ALMS1: variants seen among roughly 807,000 people sequenced by gnomAD.
The protein encoded by ALMS1 is centrosome-associated protein ALMS1.
A neutral mutation model predicts 352.2 loss-of-function variants in ALMS1; 271 were observed. The ratio of observed to expected loss-of-function variants is 0.77; its 90% CI spans 0.70 to 0.85. The LOEUF is 0.85. Ranked by LOEUF, ALMS1 falls within the 40% of genes least tolerant of loss-of-function variation. ALMS1 has a pLI of 0.00. For synonymous variants in ALMS1, 1,865 were observed against 1,761.2 expected (o/e 1.06, Z -1.48); for missense variants, 5,445 against 4,870.7 (o/e 1.12, Z -3.51).
intron 17 of ALMS1, 96 bp from the exon 18 acceptor site, chr2:73,600,582 T>C: frequency 8.6e-7 from 1 of 1,166,962 alleles, no homozygotes. Flanking sequence ...GATTGTATTT[T>C]TGAAACATTA....
At chr2:73,460,017 C>G (rs78777626) in intron 9 of ALMS1, among the ~76,000 whole-genome samples, 2,934 of 152,236 alleles carry the variant, frequency 0.019, 109 homozygotes, top group African/African-American at 0.065. Context: ...ACATCCAATT[C>G]CATTCCAGTA....
At chr2:73,494,080 A>G (rs374331167) in intron 10 of ALMS1, among the ~76,000 whole-genome samples, 1 of 152,228 alleles carries the variant, frequency 6.6e-6, no homozygotes, top group African/African-American at 2.4e-5. Context: ...GGCCAGAGAC[A>G]TGGGCTTTTT....
chr2:73,422,490 C>T (rs754406844), intron 3 of ALMS1, among the ~76,000 whole-genome samples: 7 of 152,000 alleles, frequency 4.6e-5, no homozygotes, highest in Non-Finnish European at 7.4e-5. Context: ...TAGTTAAGAG[C>T]GTTTGCTAAA....
In ALMS1 at chr2:73,450,249, A is replaced by G; in HGVS notation, c.3722A>G (p.His1241Arg). 2 of 1,614,044 alleles carry G rather than the reference A, an allele frequency of 1.2e-6. No individual in the cohort carries two copies. The highest frequency in any genetic ancestry group is 1.7e-6 in the Non-Finnish European group (2 of 1,179,958). The change falls in exon 8 of 23, where the codon CAC (histidine) becomes CGC (arginine). Residue 1241 changes from histidine (H) to arginine (R), a missense_variant. By Grantham distance (29) the His-to-Arg change is conservative. Transcript: ENST00000613296. Reference sequence around the variant, plus strand: ...ACTCCAACCTCTGCTTCTTACTCACACACAGAGAAGCCTGGTATTTTCTAC... The same window carrying G: ...ACTCCAACCTCTGCTTCTTACTCACGCACAGAGAAGCCTGGTATTTTCTAC... ...TPTPTSASYS[H>R]TEKPGIFYQQ...
At chr2:73,429,088 G>A (rs746311440) in intron 6 of ALMS1, among the ~76,000 whole-genome samples, 11 of 152,062 alleles carry the variant, frequency 7.2e-5, no homozygotes, top group Non-Finnish European at 1.6e-4. Flanking sequence ...TAAGGAAATA[G>A]GAATAGTAAT....
At chr2:73,522,860 A>C (rs767020308) in intron 11 of ALMS1, among the ~76,000 whole-genome samples, 2 of 152,174 alleles carry the variant, frequency 1.3e-5, no homozygotes, top group African/African-American at 2.4e-5. Flanking sequence ...GGTGTTAATC[A>C]TACTCCTTTT....
At chr2:73,597,027 A>G (rs971873822) in intron 16 of ALMS1, among the ~76,000 whole-genome samples, 1 of 152,032 alleles carries the variant, frequency 6.6e-6, no homozygotes, top group Non-Finnish European at 1.5e-5. Context: ...GATTATTGCC[A>G]TCCTAACAAT....
At chr2:73,575,614 A>G (rs1013292869) in intron 16 of ALMS1, among the ~76,000 whole-genome samples, 2 of 152,034 alleles carry the variant, frequency 1.3e-5, no homozygotes, top group Non-Finnish European at 2.9e-5. Flanking sequence ...AACCATTTGT[A>G]TATCTTCTTT....
chr2:73,456,777 G>T (rs570874995), intron 9 of ALMS1: 1 of 152,304 alleles, frequency 6.6e-6, no homozygotes, highest in Non-Finnish European at 1.5e-5. Context: ...GCAATTGGTT[G>T]TCTTAGCACC....
Position 73,386,156 on chromosome 2 carries a change from C to T in ALMS1, c.288C>T (p.His96=), listed in dbSNP as rs1200232485. 5 of 1,554,018 alleles carry T rather than the reference C, an allele frequency of 3.2e-6. No individual in the cohort carries two copies. The highest frequency in any genetic ancestry group is 1.4e-5 in the African/African-American group (1 of 73,042). ...RILPPLSPPQ[H]RYSEGERTSL... ...TGCCTCCGCTGTCGCCCCCGCAGCA[C>T]CGCTACTCGGAGGGCGAGCGGACCT... Residue 96 remains histidine (H), a synonymous_variant, in exon 1 of 23, where the codon CAC becomes CAT. Transcript: ENST00000613296.
Position 73,606,111 on chromosome 2 carries a change from A to G in ALMS1, c.12363-2364A>G, listed in dbSNP as rs140571043. Reference sequence around the variant, plus strand: ...TTTTCTAAAAAATGTAAACAGTGCCACTCTTCTCACTAACATTTTTTTGTT... The same window carrying G: ...TTTTCTAAAAAATGTAAACAGTGCCGCTCTTCTCACTAACATTTTTTTGTT... On this transcript the variant is annotated intron_variant, in intron 21 of 22. Coordinates refer to ENST00000613296, the MANE Select transcript of ALMS1 (RefSeq NM_001378454.1). Among the ~76,000 whole-genome samples the G allele has an allele frequency of 1.6e-4, 25 of 152,142 alleles. No homozygotes were observed. The East Asian group carries it at 3.3e-3, about 20-fold the overall frequency.
chr2:73,449,793 C>G lies in ALMS1; in HGVS notation c.3266C>G (p.Thr1089Arg), dbSNP rs556855697. 1.5e-4 allele frequency: 238 copies of G among 1,613,926 alleles called. 2 individuals carry two copies. The South Asian group carries it at 2.3e-3, about 15-fold the overall frequency. The change falls in exon 8 of 23, where the codon ACA becomes AGA. Residue 1089 changes from threonine to arginine, a missense_variant. By Grantham distance (71) the Thr-to-Arg change is moderately conservative (BLOSUM62 -1). Coordinates refer to ENST00000613296, the MANE Select transcript of ALMS1 (RefSeq NM_001378454.1). ...FPGPADQMTD[T>R]PAVPSTFYSQ... ...GGACCAGCTGACCAGATGACTGACA[C>G]ACCAGCAGTACCGTCTACTTTCTAC...
intron 9 of ALMS1, among the ~76,000 whole-genome samples, chr2:73,464,649 T>A (rs527241648): frequency 1.3e-5 from 2 of 152,206 alleles, no homozygotes; most frequent in South Asian, 4.2e-4. Context: ...AAAGAGGAAC[T>A]CAAATTGTCC....
intron 1 of ALMS1, among the ~76,000 whole-genome samples, chr2:73,395,072 A>ATTTTTTTT (rs1558628491): frequency 1.9e-5 from 2 of 107,614 alleles, no homozygotes; most frequent in Non-Finnish European, 3.6e-5. Context: ...ATATATATAT[A>ATTTTTTTT]TATATATTTT....
chr2:73,496,126 A>G (rs567334135), intron 10 of ALMS1, among the ~76,000 whole-genome samples: 34 of 152,324 alleles, frequency 2.2e-4, no homozygotes, highest in Admixed American at 8.5e-4. Context: ...TTCACCTTTG[A>G]AAATTTCCGT....
chr2:73,554,570 G>A (rs969279056), intron 13 of ALMS1, among the ~76,000 whole-genome samples: 8 of 151,754 alleles, frequency 5.3e-5, no homozygotes, highest in Non-Finnish European at 1.0e-4. Context: ...AAAATTAGCC[G>A]GGCGTGGTGG....
intron 10 of ALMS1, among the ~76,000 whole-genome samples, chr2:73,505,155 G>T (rs987534483): frequency 1.3e-5 from 2 of 152,112 alleles, no homozygotes; most frequent in African/African-American, 2.4e-5. Flanking sequence ...CTAAGTCTTT[G>T]TTATTGTGAA....
chr2:73,428,266 C>T (rs769187433), intron 6 of ALMS1, among the ~76,000 whole-genome samples: 7 of 152,136 alleles, frequency 4.6e-5, no homozygotes, highest in Non-Finnish European at 8.8e-5. Flanking sequence ...GCAATTGACA[C>T]TTAGAGGATT....
In ALMS1 at chr2:73,471,209, T is replaced by G. The variant is rs1034775336; in HGVS notation, c.7674+15914T>G. Among the ~76,000 whole-genome samples, 5 of 151,096 alleles carry G rather than the reference T, an allele frequency of 3.3e-5. No individual in the cohort carries two copies. In the East Asian group the frequency reaches 7.7e-4, roughly 23 times the overall value. Reference sequence around the variant, plus strand: ...TGTCTTCCTTTGTGATTTGTTGATTTTGCTTTGATCCTTCCTTTTTTTTTT... The same window carrying G: ...TGTCTTCCTTTGTGATTTGTTGATTGTGCTTTGATCCTTCCTTTTTTTTTT... On this transcript the variant is annotated intron_variant, in intron 9 of 22. Transcript: ENST00000613296.
Sources: gnomAD v4.1 joint callset for allele counts (sites outside exome capture counted in the v4.1 genomes callset) on GRCh38, gnomAD v4.1.1 for gene constraint, MANE v1.5 for transcripts, NCBI Gene and HGNC (gene_info 2026-07-23, HGNC 2026-07-21) for gene names.